FBXL2: variants seen among roughly 807,000 people sequenced by gnomAD.
FBXL2 encodes F-box/LRR-repeat protein 2.
FBXL2 carries 38 observed loss-of-function variants against 69.2 expected under a neutral mutation model. The ratio of observed to expected loss-of-function variants is 0.55; its 90% confidence interval spans 0.42 to 0.72. The LOEUF (loss-of-function observed/expected upper bound fraction) is 0.72. Among genes scored for constraint, FBXL2 ranks in the 30% least tolerant of loss-of-function variants. The pLI is 0.00. For missense variants in FBXL2, 354 were observed against 520.3 expected, an observed-to-expected ratio of 0.68 and a Z score of 3.11; for synonymous variants, 192 against 201.3, an observed-to-expected ratio of 0.95 and a Z score of 0.39.
chr3:33,378,988 C>G (rs796215662), intron 13 of FBXL2, among the ~76,000 whole-genome samples: 1 of 152,014 alleles, frequency 6.6e-6, no homozygotes, highest in Non-Finnish European at 1.5e-5. Flanking sequence ...GGGAACTCTA[C>G]CAAACATTTA....
chr3:33,304,044 T>C (rs2036509461), intron 2 of FBXL2, among the ~76,000 whole-genome samples: 1 of 151,954 alleles, frequency 6.6e-6, no homozygotes, highest in Admixed American at 6.6e-5. Context: ...AAATGCTAAA[T>C]GTATGTATTC....
In FBXL2 at chr3:33,353,901, C is replaced by T. The variant is rs192450559; in HGVS notation, c.66-5066C>T. ...AGACCATGTCTGGGAAGAAAAAAAT[C>T]GGTAGTGGCCAAGGGTTCATGAGAA... On this transcript the variant is annotated intron_variant, in intron 2 of 14. Transcript: ENST00000484457. Among the ~76,000 whole-genome samples the T allele has an allele frequency of 1.2e-3, 187 of 151,834 alleles. 1 individual carries two copies. The highest frequency in any genetic ancestry group is 4.4e-3 in the African/African-American group (180 of 41,374).
chr3:33,317,514 T>A (rs1172656059), intron 2 of FBXL2: 2 of 456,468 alleles, frequency 4.4e-6, no homozygotes, highest in African/African-American at 4.0e-5. Context: ...CAATAAAACT[T>A]GTAAAAAGGA....
chr3:33,342,906 T>C (rs2040168701), intron 2 of FBXL2, among the ~76,000 whole-genome samples: 1 of 146,596 alleles, frequency 6.8e-6, no homozygotes, highest in Non-Finnish European at 1.5e-5. Context: ...TTTTTTTTTT[T>C]TTTTTTGGTA....
At chr3:33,381,903 A>C (rs2043091433) in intron 13 of FBXL2, among the ~76,000 whole-genome samples, 1 of 152,224 alleles carries the variant, frequency 6.6e-6, no homozygotes, top group Admixed American at 6.5e-5. Flanking sequence ...CACATTGTTA[A>C]GATCAAGCTC....
chr3:33,350,404 T>C (rs1476395561), intron 2 of FBXL2, among the ~76,000 whole-genome samples: 1 of 151,570 alleles, frequency 6.6e-6, no homozygotes, highest in Non-Finnish European at 1.5e-5. Context: ...ATAAAGAACA[T>C]CTACACAAGA....
chr3:33,293,651 T>C (rs78034214), intron 1 of FBXL2, among the ~76,000 whole-genome samples: 1 of 150,824 alleles, frequency 6.6e-6, no homozygotes, highest in East Asian at 2.0e-4. Flanking sequence ...TTTTTTTTTT[T>C]CCTGTATTGG....
intron 1 of FBXL2, among the ~76,000 whole-genome samples, chr3:33,288,720 T>G (rs1007836414): frequency 1.3e-4 from 20 of 152,096 alleles, no homozygotes; most frequent in African/African-American, 4.8e-4. Context: ...GGAAGTAAGA[T>G]CAAAGTAGTT....
Position 33,322,737 on chromosome 3 carries a change from A to G in FBXL2, c.65+25012A>G, listed in dbSNP as rs995821133. Among the ~76,000 whole-genome samples the G allele has an allele frequency of 2.0e-5, 3 of 152,196 alleles. No homozygotes were observed. The East Asian group carries it at 5.8e-4, about 29-fold the overall frequency. On this transcript the variant is annotated intron_variant, in intron 2 of 14. Coordinates refer to ENST00000484457, the MANE Select transcript of FBXL2 (RefSeq NM_012157.5). The stretch of plus-strand genomic sequence containing the variant: ...AAGGGAGAGACACAAAGTAGATGCA[A>G]TTACTGGTAACATTTTGGTTAAGTT...
At chr3:33,309,428 CTCTG>C (rs1309235718) in intron 2 of FBXL2, among the ~76,000 whole-genome samples, 1 of 151,994 alleles carries the variant, frequency 6.6e-6, no homozygotes, top group Non-Finnish European at 1.5e-5. Flanking sequence ...TATATAGCTA[CTCTG>C]TCTCTCTTTT....
intron 1 of FBXL2, among the ~76,000 whole-genome samples, chr3:33,295,893 A>G (rs1046723310): frequency 2.6e-5 from 4 of 152,076 alleles, no homozygotes; most frequent in African/African-American, 4.8e-5. Flanking sequence ...TGTCTATTCA[A>G]ATCTTTTGCC....
chr3:33,408,964 GC>G, the FBXL2 span, among the ~76,000 whole-genome samples: 1 of 152,076 alleles, frequency 6.6e-6, no homozygotes, highest in African/African-American at 2.4e-5. Flanking sequence ...GACTTTCTAG[GC>G]TCCAACTTAA....
intron 12 of FBXL2, among the ~76,000 whole-genome samples, chr3:33,394,814 CTTGTTTT>C (rs375608984): frequency 0.084 from 10,300 of 122,060 alleles, 451 homozygotes; most frequent in East Asian, 0.15. Context: ...CTGCCCTCCA[CTTGTTTT>C]TTTTTTTTTT....
intron 12 of FBXL2, chr3:33,400,889 T>A: frequency 1.4e-6 from 2 of 1,450,380 alleles, no homozygotes; most frequent in Non-Finnish European, 1.9e-6. Context: ...ACTCCATACA[T>A]TTGCACAAAA....
At chr3:33,395,396 G>A (rs1344464443) in intron 12 of FBXL2, among the ~76,000 whole-genome samples, 1 of 151,712 alleles carries the variant, frequency 6.6e-6, no homozygotes, top group African/African-American at 2.4e-5. Flanking sequence ...AGAAGGAAAT[G>A]TTACCATATA....
At chr3:33,381,630 A>T (rs987586652) in intron 13 of FBXL2, among the ~76,000 whole-genome samples, 12 of 145,162 alleles carry the variant, frequency 8.3e-5, no homozygotes, top group African/African-American at 1.6e-4. Flanking sequence ...ATCTCAAAAA[A>T]AAATAAATAA....
At chr3:33,309,774 G>A (rs1007024046) in intron 2 of FBXL2, among the ~76,000 whole-genome samples, 2 of 151,924 alleles carry the variant, frequency 1.3e-5, no homozygotes, top group African/African-American at 4.8e-5. Flanking sequence ...TATCTTTTGT[G>A]TATATACTAT....
At chr3:33,399,078 TGA>T (rs1049757005) in intron 12 of FBXL2, among the ~76,000 whole-genome samples, 11 of 152,372 alleles carry the variant, frequency 7.2e-5, no homozygotes, top group African/African-American at 2.4e-4. Context: ...TTCTTCAGGC[TGA>T]GTGTGTGCAC....
intron 13 of FBXL2, among the ~76,000 whole-genome samples, chr3:33,379,786 A>G (rs992224631): frequency 2.0e-5 from 3 of 152,296 alleles, no homozygotes; most frequent in East Asian, 1.9e-4. Flanking sequence ...GTAGCAATAT[A>G]TAGAAATAAT....
Sources: gnomAD v4.1 joint callset for allele counts (sites outside exome capture counted in the v4.1 genomes callset) on GRCh38, gnomAD v4.1.1 for gene constraint, MANE v1.5 for transcripts, NCBI Gene and HGNC (gene_info 2026-07-23, HGNC 2026-07-21) for gene names.